The following C1orf35 variants were observed in gnomAD, a reference collection of about 807,000 sequenced individuals.
C1orf35 encodes the protein chromosome 1 open reading frame 35.
A neutral mutation model predicts 30.9 loss-of-function variants in C1orf35; 36 were observed. The observed-to-expected ratio is 1.16, with a 90% CI of 0.89 to 1.54. C1orf35 has a LOEUF of 1.54. Ranked by LOEUF, C1orf35 falls within the 40% of genes most tolerant of loss-of-function variation. The pLI is 0.00. For missense variants in C1orf35, 396 were observed against 358.7 expected (o/e 1.10, Z -0.84); for synonymous variants, 179 against 148.2 (o/e 1.21, Z -1.51).
At position 228,101,465 on chromosome 1, in the gene C1orf35, C is replaced by T. The variant is rs781296540; in HGVS notation, c.542G>A (p.Ser181Asn). 35 of 1,612,252 alleles carry T rather than the reference C, an allele frequency of 2.2e-5. No homozygotes were observed. The Admixed American group carries it at 4.2e-4, about 19-fold the overall frequency. ...AEDQTESSCE[S>N]HRKSKKEKKK... is the part of the protein sequence containing the mutation. ...CTTCTCCTTCTTGCTTTTCCTGTGG[C>T]TCTCACAACTACAAGGAGGATACAA... The change falls in exon 7 of 8, where the codon AGC becomes AAC. Residue 181 changes from serine to asparagine, a missense_variant. By Grantham distance (46) the Ser-to-Asn change is conservative. Coordinates refer to ENST00000272139, the MANE Select transcript of C1orf35 (RefSeq NM_024319.4).
rs772742657 is a variant in C1orf35, at chr1:228,101,521, A to C, written c.534-48T>G. 1.0e-5 allele frequency: 16 copies of C among 1,603,342 alleles called. 1 individual carries two copies. The highest frequency in any genetic ancestry group is 1.4e-5 in the Non-Finnish European group (16 of 1,178,566). ...GCCTCAGACCCTAGTCTTGCAAGCC[A>C]AGAGAGTGAACACAAGCAGGCCCCA... On this transcript the variant is annotated intron_variant, in intron 6 of 7. Coordinates refer to ENST00000272139, the MANE Select transcript of C1orf35 (RefSeq NM_024319.4).
chr1:228,102,815 C>G (rs1316175228), intron 2 of C1orf35, 84 bp downstream of exon 2: 1 of 1,250,978 alleles, frequency 8.0e-7, no homozygotes, highest in Non-Finnish European at 1.1e-6. Context: ...CCGCCCAGCC[C>G]GACCCCCAGT....
chr1:228,102,034 G>T, intron 6 of C1orf35, 46 bp downstream of exon 6: 1 of 1,481,032 alleles, frequency 6.8e-7, no homozygotes, highest in South Asian at 1.3e-5. Flanking sequence ...GTCCTCCCGA[G>T]ACCCCCCACC....
chr1:228,102,085 T>C lies in C1orf35; in HGVS notation c.528A>G (p.Glu176=), dbSNP rs759071624. Residue 176 remains glutamate (E), a synonymous_variant, in exon 6 of 8, where the codon GAA becomes GAG. Coordinates refer to ENST00000272139, the MANE Select transcript of C1orf35 (RefSeq NM_024319.4). ...CCCAGGTGGCACAGCCTCACCTGCT[T>C]TCCGTCTGATCCTCCGCCCGCGGCT... ...RRKPRAEDQT[E]SSCESHRKSK... 35 of 1,583,200 alleles carry C rather than the reference T, an allele frequency of 2.2e-5. No individual in the cohort carries two copies. Among genetic ancestry groups the C allele is most frequent in the East Asian group, 4.5e-5 (2 of 44,092 alleles).
In C1orf35 at chr1:228,102,901, G is replaced by A. The variant is rs1243087759; in HGVS notation, c.243C>T (p.Ala81=). ...CGCTGCCGTCCGCGGACACTCACAGGGCGGCCAGCAGCGCCTCGCGCTCCG... is the reference window on the plus strand; with the variant it reads ...CGCTGCCGTCCGCGGACACTCACAGAGCGGCCAGCAGCGCCTCGCGCTCCG... ...REAEREALLA[A]LGYKNVKKQP... The change falls in exon 2 of 8, where the codon GCC becomes GCT. Residue 81 remains alanine, a splice_region_variant and synonymous_variant. Transcript: ENST00000272139. 2 of 1,469,754 alleles carry A rather than the reference G, an allele frequency of 1.4e-6. No homozygotes were observed. Among genetic ancestry groups the A allele is most frequent in the African/African-American group, 1.5e-5 (1 of 67,660 alleles). 91.0% of individuals were successfully genotyped at this position (1,469,754 alleles called of 1,614,324 possible).
At chr1:228,102,209 C>A (rs1249207692) in intron 5 of C1orf35, 44 bp from the exon 6 acceptor site, 1 of 1,565,482 alleles carries the variant, frequency 6.4e-7, no homozygotes, top group East Asian at 2.3e-5. Context: ...CGGGCCGGCC[C>A]CACACCACGC....
Position 228,103,067 on chromosome 1 carries a change from G to GT in C1orf35, c.95-19dup, listed in dbSNP as rs1186965145. The GT allele has an allele frequency of 1.2e-6, 2 of 1,604,550 alleles. No individual in the cohort carries two copies. The highest frequency in any genetic ancestry group is 4.5e-5 in the East Asian group (2 of 44,488). On this transcript the variant is annotated intron_variant, in intron 1 of 7. Coordinates refer to ENST00000272139, the MANE Select transcript of C1orf35 (RefSeq NM_024319.4). ...CGAGTTGCCTGCGGACGTAGACGCT[G>GT]TGAGTCCAGCGCCCGCCCGGGATCC...
chr1:228,101,757 AGGGTCAGG>A lies in C1orf35; in HGVS notation c.534-292_534-285del. 2.1e-6 allele frequency: 3 copies of A among 1,409,818 alleles called. No individual in the cohort carries two copies. The South Asian group carries it at 4.6e-5, about 22-fold the overall frequency. 87.3% of individuals were successfully genotyped at this position (1,409,818 alleles called of 1,614,324 possible). A position where few individuals can be genotyped will look rare whatever the true frequency, so the allele number is the denominator to read the frequency against. ...TACCTGCACCCACCAGGCCACTCTT[AGGGTCAGG>A]CCCAGGCTCACCATCCAGGAGAAGC... On this transcript the variant is annotated intron_variant, in intron 6 of 7. Coordinates refer to ENST00000272139, the MANE Select transcript of C1orf35 (RefSeq NM_024319.4).
intron 4 of C1orf35, 28 bp downstream of exon 4, chr1:228,102,450 C>T: frequency 6.4e-7 from 1 of 1,567,950 alleles, no homozygotes; most frequent in Non-Finnish European, 8.6e-7. Context: ...GAGCCCAGTG[C>T]TGCCCTCCCC....
chr1:228,102,819 C>T, intron 2 of C1orf35, 80 bp downstream of exon 2: 4 of 1,388,936 alleles, frequency 2.9e-6, no homozygotes, highest in Non-Finnish European at 3.7e-6. Context: ...CCAGCCCGAC[C>T]CCCAGTCCCC....
intron 6 of C1orf35, 49 bp downstream of exon 6, chr1:228,102,031 C>G: frequency 6.8e-7 from 1 of 1,476,746 alleles, no homozygotes; most frequent in Non-Finnish European, 9.0e-7. Context: ...CCGGTCCTCC[C>G]GAGACCCCCC....
At chr1:228,102,819 C>G in intron 2 of C1orf35, 80 bp downstream of exon 2, 2 of 1,388,942 alleles carry the variant, frequency 1.4e-6, no homozygotes, top group African/African-American at 3.0e-5. Flanking sequence ...CCAGCCCGAC[C>G]CCCAGTCCCC....
Position 228,102,317 on chromosome 1 carries a change from A to C in C1orf35, c.440T>G (p.Val147Gly), listed in dbSNP as rs1366557856. ...DKEAAKLGLS[V>G]FTHHRVESGG... ...GGCGGGGCGGGGGATTACCGTGAAC[A>C]CAGACAGCCCCAGTTTGGCGGCCTC... Residue 147 changes from valine (V) to glycine (G), a missense_variant, in exon 5 of 8, where the codon GTG becomes GGG. Coordinates refer to ENST00000272139, the MANE Select transcript of C1orf35 (RefSeq NM_024319.4). 1.2e-6 allele frequency: 2 copies of C among 1,611,494 alleles called. No homozygotes were observed. The highest frequency in any genetic ancestry group is 1.7e-6 in the Non-Finnish European group (2 of 1,179,668).
Position 228,103,066 on chromosome 1 carries a change from T to C in C1orf35, c.95-17A>G. ...GCGAGTTGCCTGCGGACGTAGACGC[T>C]GTGAGTCCAGCGCCCGCCCGGGATC... On this transcript the variant is annotated splice_polypyrimidine_tract_variant and intron_variant, in intron 1 of 7. Transcript: ENST00000272139. The C allele has an allele frequency of 1.2e-6, 2 of 1,604,450 alleles. No homozygotes were observed. The highest frequency in any genetic ancestry group is 1.7e-6 in the Non-Finnish European group (2 of 1,176,428).
At chr1:228,102,200 G>A (rs1160340562) in intron 5 of C1orf35, 35 bp from the exon 6 acceptor site, 2 of 1,566,020 alleles carry the variant, frequency 1.3e-6, no homozygotes, top group African/African-American at 1.3e-5. Context: ...AGGAGTCTGC[G>A]GGCCGGCCCC....
At chr1:228,102,803 T>TTCCCCCCCCCCCCC in intron 2 of C1orf35, 96 bp downstream of exon 2, 1 of 1,187,500 alleles carries the variant, frequency 8.4e-7, no homozygotes, top group Non-Finnish European at 1.1e-6. Flanking sequence ...GCAGCCCCGC[T>TTCCCCCCCCCCCCC]CCCGCCCAGC....
intron 6 of C1orf35, chr1:228,101,827 C>G: frequency 7.1e-7 from 1 of 1,417,358 alleles, no homozygotes; most frequent in Non-Finnish European, 9.2e-7. Context: ...AAGGCCCCGC[C>G]CCAGGTCCTG....
chr1:228,101,348 G>A lies in C1orf35; in HGVS notation c.659C>T (p.Ser220Phe), dbSNP rs755555576. Residue 220 changes from serine (S) to phenylalanine (F), a missense_variant, in exon 7 of 8, where the codon TCT becomes TTT. Coordinates refer to ENST00000272139, the MANE Select transcript of C1orf35 (RefSeq NM_024319.4). The stretch of plus-strand genomic sequence containing the variant: ...ATGGACCAGGGCATACCTCTCAGGA[G>A]ATGTGGGAGAGGAGGTGGCCTCAGC... ...RPAEATSSPT[S>F]PERPRHHHHD... 5.6e-6 allele frequency: 9 copies of A among 1,614,158 alleles called. No individual in the cohort carries two copies. The South Asian group carries it at 6.6e-5, about 12-fold the overall frequency.
chr1:228,102,325 C>T lies in C1orf35; in HGVS notation c.432G>A (p.Gly144=). 6.2e-7 allele frequency: 1 copy of T among 1,611,538 alleles called. No individual in the cohort carries two copies. The highest frequency in any genetic ancestry group is 1.1e-5 in the South Asian group (1 of 91,054). The change falls in exon 5 of 8, where the codon GGG becomes GGA. Residue 144 remains glycine, a synonymous_variant. Transcript: ENST00000272139. The part of the protein sequence containing the change: ...SREDKEAAKL[G]LSVFTHHRVE... ...GGGGGATTACCGTGAACACAGACAG[C>T]CCCAGTTTGGCGGCCTCCTTGTCCT...
Sources: gnomAD v4.1 joint callset for allele counts on GRCh38, gnomAD v4.1.1 for gene constraint, MANE v1.5 for transcripts, NCBI Gene and HGNC (gene_info 2026-07-23, HGNC 2026-07-21) for gene names.